Variants in IL12B observed in about 807,000 individuals in gnomAD.
The protein encoded by IL12B is interleukin-12 subunit beta.
In IL12B, 27 loss-of-function variants were observed where a neutral mutation model predicts 39.2. The observed-to-expected ratio is 0.69, with a 90% confidence interval of 0.51 to 0.95. IL12B has a LOEUF of 0.95. Ranked by LOEUF, IL12B falls within the 40% of genes least tolerant of loss-of-function variation. The pLI, the probability that IL12B is intolerant of heterozygous loss-of-function variation, is 0.00. For missense variants in IL12B, 351 were observed against 397.6 expected, an observed-to-expected ratio of 0.88 and a Z score of 1.00; for synonymous variants, 142 against 152.1, an observed-to-expected ratio of 0.93 and a Z score of 0.49.
intron 1 of IL12B, among the ~76,000 whole-genome samples, chr5:159,330,104 A>G (rs1441864863): frequency 6.6e-6 from 1 of 152,188 alleles, no homozygotes; most frequent in Non-Finnish European, 1.5e-5. Flanking sequence ...CCTTTAACTG[A>G]TGGGCATTAA....
intron 1 of IL12B, among the ~76,000 whole-genome samples, chr5:159,328,547 A>G (rs1371919301): frequency 6.6e-6 from 1 of 152,214 alleles, no homozygotes; most frequent in African/African-American, 2.4e-5. Flanking sequence ...GGAAGAGGTA[A>G]GGGAACAATT....
chr5:159,322,448 C>G lies in IL12B; in HGVS notation c.428G>C (p.Trp143Ser). The change falls in exon 4 of 8, where the codon TGG (tryptophan) becomes TCG (serine). Residue 143 changes from tryptophan (W) to serine (S), a missense_variant. Coordinates refer to ENST00000231228, the MANE Select transcript of IL12B (RefSeq NM_002187.3). ...ATCAGTACTGATTGTCGTCAGCCAC[C>G]AGCAGGTGAAACGTCCAGAATAATT... Reference protein sequence around the residue: ...AKNYSGRFTCWWLTTISTDLT... With the variant: ...AKNYSGRFTCSWLTTISTDLT... 1 of 1,613,938 alleles carries G rather than the reference C, an allele frequency of 6.2e-7. No homozygotes were observed. Among genetic ancestry groups the G allele is most frequent in the African/African-American group, 1.3e-5 (1 of 75,032 alleles).
At position 159,318,780 on chromosome 5, in the gene IL12B, G is replaced by T. The variant is rs1231279736; in HGVS notation, c.811C>A (p.Leu271Met). 6.2e-7 allele frequency: 1 copy of T among 1,614,058 alleles called. No homozygotes were observed. The highest frequency in any genetic ancestry group is 8.5e-7 in the Non-Finnish European group (1 of 1,180,020). ...TWSTPHSYFS[L>M]TFCVQVQGKS... ...CCCTGGACCTGAACGCAGAATGTCA[G>T]GGAGAAGTAGGAATGTGGAGTACTC... Residue 271 changes from leucine to methionine, a missense_variant, in exon 6 of 8, where the codon CTG becomes ATG. Coordinates refer to ENST00000231228, the MANE Select transcript of IL12B (RefSeq NM_002187.3).
At chr5:159,322,253 A>G in intron 4 of IL12B, 141 bp downstream of exon 4, 1 of 743,504 alleles carries the variant, frequency 1.3e-6, no homozygotes, top group South Asian at 1.4e-5. Flanking sequence ...CAATGTAGAC[A>G]AGGAAGGGCG....
At chr5:159,325,263 G>C (rs929690176) in intron 2 of IL12B, among the ~76,000 whole-genome samples, 1 of 152,170 alleles carries the variant, frequency 6.6e-6, no homozygotes, top group Non-Finnish European at 1.5e-5. Flanking sequence ...TCCTGAGCTC[G>C]CTAACAATCC....
intron 6 of IL12B, among the ~76,000 whole-genome samples, chr5:159,317,492 T>A (rs1754007905): frequency 6.6e-6 from 1 of 152,214 alleles, no homozygotes; most frequent in Non-Finnish European, 1.5e-5. Flanking sequence ...CTAATTATTT[T>A]CCCAGAGAGT....
At position 159,320,381 on chromosome 5, in the gene IL12B, T is replaced by C. The variant is rs760025343; in HGVS notation, c.622A>G (p.Ile208Val). The change falls in exon 5 of 8, where the codon ATT (isoleucine) becomes GTT (valine). Residue 208 changes from isoleucine to valine, a missense_variant. Transcript: ENST00000231228. ...TGAACGGCATCCACCATGACCTCAA[T>C]GGGCAGACTCTCCTCAGCAGCTGGG... ...ACPAAEESLP[I>V]EVMVDAVHKL... The C allele has an allele frequency of 3.1e-6, 5 of 1,614,022 alleles. No homozygotes were observed. The African/African-American group carries it at 4.0e-5, about 13-fold the overall frequency.
intron 4 of IL12B, among the ~76,000 whole-genome samples, chr5:159,321,210 G>C (rs1463176784): frequency 1.3e-5 from 2 of 151,740 alleles, no homozygotes; most frequent in Non-Finnish European, 2.9e-5. Flanking sequence ...TCACTGTGTT[G>C]CCTAGGCTGG....
At chr5:159,323,651 G>C (rs924293534) in intron 2 of IL12B, among the ~76,000 whole-genome samples, 2 of 152,134 alleles carry the variant, frequency 1.3e-5, no homozygotes, top group African/African-American at 4.8e-5. Context: ...TTTGCCAAAG[G>C]TCTGGGGGAG....
Position 159,318,911 on chromosome 5 carries a change from C to T in IL12B, c.698-18G>A. The T allele has an allele frequency of 1.2e-6, 2 of 1,611,150 alleles. No homozygotes were observed. Among genetic ancestry groups the T allele is most frequent in the Non-Finnish European group, 1.7e-6 (2 of 1,177,862 alleles). ...AGGTTTGACTGTGGAAGAGGATAAA[C>T]ATGCTTTATTTTCCTAATAAGGCTT... On this transcript the variant is annotated intron_variant, in intron 5 of 7. Coordinates refer to ENST00000231228, the MANE Select transcript of IL12B (RefSeq NM_002187.3).
intron 2 of IL12B, among the ~76,000 whole-genome samples, chr5:159,323,572 G>GTAACC (rs1409851884): frequency 3.3e-5 from 5 of 152,176 alleles, no homozygotes; most frequent in Admixed American, 6.5e-5. Context: ...GCCTTTAATA[G>GTAACC]TAACCTTTGA....
Position 159,316,350 on chromosome 5 carries a change from G to A in IL12B, c.*1-250C>T, listed in dbSNP as rs540063247. 3.9e-5 allele frequency among the ~76,000 whole-genome samples: 6 copies of A among 152,218 alleles called. No homozygotes were observed. The East Asian group carries it at 1.2e-3, about 29-fold the overall frequency. On this transcript the variant is annotated intron_variant, in intron 7 of 7. Coordinates refer to ENST00000231228, the MANE Select transcript of IL12B (RefSeq NM_002187.3). ...AACCCTTCAGTGGGTTTCAGGGCCC[G>A]GGGCCCCCAGAACAAGATTCTGAGT...
At chr5:159,316,599 CCT>C in intron 7 of IL12B, 84 bp downstream of exon 7, 1 of 1,445,460 alleles carries the variant, frequency 6.9e-7, no homozygotes, top group Non-Finnish European at 9.5e-7. Flanking sequence ...ATCCCCCTTT[CCT>C]CTCCAACACA....
intron 7 of IL12B, 93 bp downstream of exon 7, chr5:159,316,592 C>A: frequency 2.2e-6 from 3 of 1,374,704 alleles, no homozygotes; most frequent in Non-Finnish European, 3.0e-6. Flanking sequence ...CCACTCCATC[C>A]CCCTTTCCTC....
In IL12B at chr5:159,316,685, C is replaced by T. The variant is rs761865432; in HGVS notation, c.987G>A (p.Ter329=). 1 of 1,612,164 alleles carries T rather than the reference C, an allele frequency of 6.2e-7. No individual in the cohort carries two copies. The highest frequency in any genetic ancestry group is 1.1e-5 in the South Asian group (1 of 90,700). Residue 329 remains the stop codon, a splice_region_variant and stop_retained_variant, in exon 7 of 8, where the codon TAG becomes TAA. Transcript: ENST00000231228. Reference sequence around the variant, plus strand: ...GGCTGGCCTTTGAGGGCCTGCTCACCTAACTGCAGGGCACAGATGCCCATT... The same window carrying T: ...GGCTGGCCTTTGAGGGCCTGCTCACTTAACTGCAGGGCACAGATGCCCATT... The part of the protein sequence containing the change: ...WSEWASVPCS[*]
intron 3 of IL12B, among the ~76,000 whole-genome samples, chr5:159,322,740 C>T (rs555549144): frequency 6.6e-6 from 1 of 152,212 alleles, no homozygotes; most frequent in East Asian, 1.9e-4. Context: ...GGCTATCACC[C>T]CAGTGCAGAG....
chr5:159,324,986 T>C (rs1754161939), intron 2 of IL12B, among the ~76,000 whole-genome samples: 2 of 152,066 alleles, frequency 1.3e-5, no homozygotes, highest in Non-Finnish European at 2.9e-5. Flanking sequence ...CTTGGTTTTT[T>C]TTTTGTCCCC....
chr5:159,324,765 C>T (rs1192551234), intron 2 of IL12B, among the ~76,000 whole-genome samples: 1 of 152,240 alleles, frequency 6.6e-6, no homozygotes, highest in African/African-American at 2.4e-5. Context: ...TAAGCTCATA[C>T]ACAGTGCCCT....
intron 2 of IL12B, among the ~76,000 whole-genome samples, chr5:159,324,603 T>A (rs1414673223): frequency 1.3e-5 from 2 of 152,234 alleles, no homozygotes; most frequent in Non-Finnish European, 2.9e-5. Context: ...CATTTTGGAG[T>A]GGCAGAGGCC....
Sources: gnomAD v4.1 joint callset for allele counts (sites outside exome capture counted in the v4.1 genomes callset) on GRCh38, gnomAD v4.1.1 for gene constraint, MANE v1.5 for transcripts, NCBI Gene and HGNC (gene_info 2026-07-23, HGNC 2026-07-21) for gene names.